Variants in CDH18 observed in about 807,000 individuals in gnomAD.
CDH18 encodes cadherin 18.
CDH18 carries 31 observed loss-of-function variants against 67.9 expected under a neutral mutation model. The observed-to-expected ratio is 0.46, with a 90% confidence interval of 0.34 to 0.62. The LOEUF is 0.62. CDH18 is among the 20% of genes least tolerant of loss of function. The pLI, the probability that CDH18 is intolerant of heterozygous loss-of-function variation, is 0.01. For synonymous variants in CDH18, 362 were observed against 347.2 expected (o/e 1.04, Z -0.48); for missense variants, 890 against 975.5 (o/e 0.91, Z 1.17).
At chr5:20,400,598 C>A (rs201414187) in intron 1 of CDH18, among the ~76,000 whole-genome samples, 13 of 145,998 alleles carry the variant, frequency 8.9e-5, no homozygotes, top group African/African-American at 7.6e-5. Flanking sequence ...ACTAAAAATA[C>A]AAAAAAAAAA....
chr5:19,472,510 T>C lies in CDH18; in HGVS notation c.*716A>G, dbSNP rs965762673. Among the ~76,000 whole-genome samples the C allele has an allele frequency of 6.6e-6, 1 of 152,084 alleles. No homozygotes were observed. The highest frequency in any genetic ancestry group is 2.4e-5 in the African/African-American group (1 of 41,442). The stretch of plus-strand genomic sequence containing the variant: ...CCATTTAAAAATAGGAGTATCCCAT[T>C]AAAATAAAAGGGGGTGTACGGGATA... On this transcript the variant is annotated 3_prime_UTR_variant, in exon 13 of 13. Transcript: ENST00000382275.
chr5:19,515,613 T>C (rs917422506), intron 10 of CDH18, among the ~76,000 whole-genome samples: 5 of 152,186 alleles, frequency 3.3e-5, no homozygotes, highest in African/African-American at 1.2e-4. Flanking sequence ...TTTGTAGCAA[T>C]TGTGAATGGG....
At chr5:20,171,260 T>C (rs1159290539) in intron 2 of CDH18, among the ~76,000 whole-genome samples, 1 of 152,062 alleles carries the variant, frequency 6.6e-6, no homozygotes, top group Non-Finnish European at 1.5e-5. Context: ...GGTTTAATGG[T>C]AGTTCTGTTT....
At chr5:20,099,753 T>C (rs1218057195) in intron 2 of CDH18, among the ~76,000 whole-genome samples, 1 of 152,156 alleles carries the variant, frequency 6.6e-6, no homozygotes, top group Non-Finnish European at 1.5e-5. Context: ...AAAAGTGTTT[T>C]CTTAGTTTTC....
At chr5:20,333,440 G>C (rs6451790) in intron 1 of CDH18, among the ~76,000 whole-genome samples, 93,994 of 148,856 alleles carry the variant, frequency 0.63, 30,977 homozygotes, top group Non-Finnish European at 0.73. Context: ...CCAAGAGGCG[G>C]AGGTTGCAGT....
chr5:19,838,754 C>T lies in CDH18; in HGVS notation c.228+5G>A, dbSNP rs747594765. 2.3e-5 allele frequency: 36 copies of T among 1,597,106 alleles called. No homozygotes were observed. The Admixed American group carries it at 6.0e-4, about 27-fold the overall frequency. ...GAAAAAACAGCAAAATAAACAAAAT[C>T]TTACCTTTCCAACATACTGAGGATC... is the stretch of plus-strand genomic sequence containing the variant. On this transcript the variant is annotated splice_donor_5th_base_variant and intron_variant, in intron 3 of 12. Transcript: ENST00000382275.
chr5:19,601,287 G>C (rs1747085562), intron 6 of CDH18, among the ~76,000 whole-genome samples: 1 of 152,118 alleles, frequency 6.6e-6, no homozygotes, highest in East Asian at 1.9e-4. Context: ...ACACTACCCT[G>C]ATTTTACAGA....
At chr5:20,355,234 T>C (rs1396665396) in intron 1 of CDH18, among the ~76,000 whole-genome samples, 2 of 152,234 alleles carry the variant, frequency 1.3e-5, no homozygotes, top group Non-Finnish European at 1.5e-5. Context: ...TGTGTCAAGA[T>C]GAGGGAGGGC....
chr5:19,618,983 C>A (rs1334581549), intron 5 of CDH18, among the ~76,000 whole-genome samples: 1 of 151,944 alleles, frequency 6.6e-6, no homozygotes, highest in African/African-American at 2.4e-5. Context: ...CTATAAAATT[C>A]TTTATGTTAT....
intron 2 of CDH18, among the ~76,000 whole-genome samples, chr5:19,912,350 G>A (rs1012169932): frequency 6.6e-6 from 1 of 152,086 alleles, no homozygotes; most frequent in Admixed American, 6.6e-5. Flanking sequence ...GTTTAAGGGA[G>A]ATAAAAATTG....
At chr5:20,367,371 C>T (rs1402500996) in intron 1 of CDH18, among the ~76,000 whole-genome samples, 2 of 152,102 alleles carry the variant, frequency 1.3e-5, no homozygotes. Context: ...TCATAAATAA[C>T]CACAAAGCAA....
intron 2 of CDH18, among the ~76,000 whole-genome samples, chr5:20,119,819 GATTT>G (rs1305854349): frequency 6.6e-6 from 1 of 151,874 alleles, no homozygotes; most frequent in Admixed American, 6.6e-5. Flanking sequence ...CATCTAGTGA[GATTT>G]ATTACATTTA....
chr5:20,521,786 G>C (rs937766365), intron 1 of CDH18, among the ~76,000 whole-genome samples: 2 of 150,290 alleles, frequency 1.3e-5, no homozygotes, highest in African/African-American at 5.0e-5. Context: ...ATAGAACCAA[G>C]CACAAGTTAC....
intron 2 of CDH18, among the ~76,000 whole-genome samples, chr5:20,117,768 T>C (rs1379746127): frequency 1.3e-5 from 2 of 152,194 alleles, no homozygotes; most frequent in Non-Finnish European, 2.9e-5. Context: ...GGAACATGAA[T>C]CGAACAACCA....
chr5:19,492,202 A>T (rs1429841372), intron 11 of CDH18, among the ~76,000 whole-genome samples: 1 of 152,150 alleles, frequency 6.6e-6, no homozygotes, highest in Non-Finnish European at 1.5e-5. Context: ...TTACAAATGT[A>T]CCTTACAGTT....
chr5:19,651,128 G>T (rs1755509666), intron 5 of CDH18, among the ~76,000 whole-genome samples: 1 of 151,974 alleles, frequency 6.6e-6, no homozygotes, highest in East Asian at 1.9e-4. Flanking sequence ...AATCAAAGAC[G>T]ATGTGTGTGT....
At chr5:20,283,677 A>G (rs1050693255) in intron 1 of CDH18, among the ~76,000 whole-genome samples, 1 of 152,118 alleles carries the variant, frequency 6.6e-6, no homozygotes, top group Non-Finnish European at 1.5e-5. Flanking sequence ...CACAACCACT[A>G]TGGAAAACAG....
intron 4 of CDH18, among the ~76,000 whole-genome samples, chr5:19,732,219 G>A (rs1767694797): frequency 6.7e-6 from 1 of 148,288 alleles, no homozygotes; most frequent in African/African-American, 2.5e-5. Context: ...TTGAGCTCAG[G>A]AGTTTGAGCC....
intron 3 of CDH18, among the ~76,000 whole-genome samples, chr5:19,816,815 A>G (rs1284107434): frequency 6.6e-6 from 1 of 151,850 alleles, no homozygotes; most frequent in Non-Finnish European, 1.5e-5. Context: ...GAAAACCAGT[A>G]CCCTCATGGC....
Sources: allele counts gnomAD v4.1 joint callset (sites outside exome capture counted in the v4.1 genomes callset), GRCh38; gene constraint gnomAD v4.1.1; transcripts MANE v1.5; gene names NCBI Gene and HGNC (gene_info 2026-07-23, HGNC 2026-07-21).